ZNF800: variants seen among roughly 807,000 people sequenced by gnomAD.
ZNF800 encodes the protein zinc finger protein 800.
Under a neutral mutation model 59.5 loss-of-function variants are expected in ZNF800, and 13 were observed. The observed-to-expected ratio is 0.22, with a 90% confidence interval of 0.14 to 0.35. The LOEUF is 0.35. Ranked by LOEUF, ZNF800 falls within the 10% of genes least tolerant of loss-of-function variation. ZNF800 has a pLI of 1.00. For synonymous variants in ZNF800, 266 were observed against 265.7 expected (o/e 1.00, Z -0.01); for missense variants, 621 against 783.7 (o/e 0.79, Z 2.48).
intron 3 of ZNF800, among the ~76,000 whole-genome samples, chr7:127,380,973 G>C (rs1248714247): frequency 6.6e-6 from 1 of 152,142 alleles, no homozygotes; most frequent in East Asian, 1.9e-4. Flanking sequence ...GGTTTATCTT[G>C]TGTTATTCTT....
chr7:127,384,979 C>T (rs1460331721), intron 3 of ZNF800, among the ~76,000 whole-genome samples: 1 of 152,080 alleles, frequency 6.6e-6, no homozygotes, highest in Non-Finnish European at 1.5e-5. Context: ...AAAGCAATGC[C>T]ATGAGTACTA....
chr7:127,367,985 G>A (rs769475266), downstream of ZNF800, among the ~76,000 whole-genome samples: 3 of 152,084 alleles, frequency 2.0e-5, no homozygotes, highest in Non-Finnish European at 2.9e-5. Flanking sequence ...ATATGTAGAG[G>A]AAGAGGCTTG....
intron 5 of ZNF800, among the ~76,000 whole-genome samples, chr7:127,372,142 A>AT (rs1165763108): frequency 2.0e-5 from 3 of 152,128 alleles, no homozygotes; most frequent in Non-Finnish European, 4.4e-5. Flanking sequence ...TTTATGTTGC[A>AT]TTTTTTAAAA....
intron 3 of ZNF800, among the ~76,000 whole-genome samples, chr7:127,383,904 T>C (rs1801050426): frequency 6.6e-6 from 1 of 152,136 alleles, no homozygotes; most frequent in East Asian, 1.9e-4. Context: ...AAAGGCAAAT[T>C]TGCTGATATC....
chr7:127,370,942 T>C lies in ZNF800; in HGVS notation c.*872A>G, dbSNP rs987323165. ...TGTAGCAATATTTAAGGAAATAAAC[T>C]AGTATCATAAGAAGTGGTTGTGCAT... On this transcript the variant is annotated 3_prime_UTR_variant, in exon 6 of 6. Coordinates refer to ENST00000265827, the MANE Select transcript of ZNF800 (RefSeq NM_176814.5). The C allele has an allele frequency of 8.5e-5, 13 of 152,560 alleles. No individual in the cohort carries two copies. The highest frequency in any genetic ancestry group is 1.8e-4 in the Non-Finnish European group (12 of 67,980). The allele number at this position is 152,560 out of a possible 1,614,324, so 9.5% of individuals were successfully genotyped here.
chr7:127,372,532 A>T, intron 5 of ZNF800: 1 of 812,278 alleles, frequency 1.2e-6, no homozygotes, highest in Non-Finnish European at 1.5e-6. Context: ...TATGAATTTT[A>T]CTTTTCTTAC....
intron 2 of ZNF800, among the ~76,000 whole-genome samples, chr7:127,387,825 C>T (rs1453834761): frequency 6.6e-6 from 1 of 151,684 alleles, no homozygotes; most frequent in African/African-American, 2.4e-5. Context: ...CACGCCACTG[C>T]ACTCCAGCCT....
intron 1 of ZNF800, among the ~76,000 whole-genome samples, chr7:127,355,235 T>A (rs1036222779): frequency 1.3e-5 from 2 of 151,946 alleles, no homozygotes; most frequent in Admixed American, 6.6e-5. Context: ...AGTAGAGCAA[T>A]AGAAAGCTTA....
Position 127,379,332 on chromosome 7 carries a change from T to C in ZNF800, c.158-2003A>G, listed in dbSNP as rs115925699. ...ACCTATATATATTTCTCAGGAAATG[T>C]AGGTGAGCATAGTAGCAGTGGGAAG... On this transcript the variant is annotated intron_variant, in intron 3 of 5. Transcript: ENST00000265827. 6.8e-3 allele frequency among the ~76,000 whole-genome samples: 1,035 copies of C among 152,262 alleles called. 14 individuals carry two copies. The highest frequency in any genetic ancestry group is 0.023 in the African/African-American group (975 of 41,538).
At chr7:127,355,242 C>A (rs1800246442) in intron 1 of ZNF800, among the ~76,000 whole-genome samples, 1 of 151,860 alleles carries the variant, frequency 6.6e-6, no homozygotes, top group African/African-American at 2.4e-5. Context: ...CAATAGAAAG[C>A]TTAGACCAGG....
Position 127,392,424 on chromosome 7 carries a change from C to T in ZNF800, c.-423G>A. 2.6e-6 allele frequency: 1 copy of T among 377,472 alleles called. No homozygotes were observed. The allele number at this position is 377,472 out of a possible 1,614,324, so 23.4% of individuals were successfully genotyped here. ...GAGCCGGAACCGGAGCGGGCAGGAC[C>T]TGAGGCTTCCCTCGCCGGGGCAACG... is the stretch of plus-strand genomic sequence containing the variant. On this transcript the variant is annotated 5_prime_UTR_variant, in exon 1 of 6. Transcript: ENST00000265827.
intron 1 of ZNF800, chr7:127,363,212 G>A (rs1800431620): frequency 6.6e-6 from 1 of 152,024 alleles, no homozygotes; most frequent in Non-Finnish European, 1.5e-5. Context: ...GGAGATGTCT[G>A]ACATTCAACT....
chr7:127,343,514 G>GT (rs1183535965), downstream of ZNF800, among the ~76,000 whole-genome samples: 5 of 151,852 alleles, frequency 3.3e-5, no homozygotes, highest in African/African-American at 9.7e-5. Flanking sequence ...ATAGAAAAAG[G>GT]TTTTTTAAGT....
In ZNF800 at chr7:127,374,755, G is replaced by A. The variant is rs1465094765; in HGVS notation, c.581C>T (p.Pro194Leu). 1.9e-6 allele frequency: 3 copies of A among 1,613,956 alleles called. No homozygotes were observed. The highest frequency in any genetic ancestry group is 2.2e-5 in the East Asian group (1 of 44,868). The stretch of plus-strand genomic sequence containing the variant: ...TTCATCTGTAACAATCTCAACAGGA[G>A]GGGGCTCTACAGTTTCCACCTCTGT... ...TDTEVETVEP[P>L]PVEIVTDEVA... Residue 194 changes from proline (P) to leucine (L), a missense_variant, in exon 5 of 6, where the codon CCT becomes CTT. Transcript: ENST00000265827.
chr7:127,380,195 T>C (rs549672323), intron 3 of ZNF800, among the ~76,000 whole-genome samples: 131 of 152,236 alleles, frequency 8.6e-4, no homozygotes, highest in African/African-American at 3.1e-3. Flanking sequence ...TACTAGCTTA[T>C]CCACTGTTTT....
downstream of ZNF800, among the ~76,000 whole-genome samples, chr7:127,344,452 G>C (rs1800022451): frequency 6.6e-6 from 1 of 151,986 alleles, no homozygotes; most frequent in Non-Finnish European, 1.5e-5. Flanking sequence ...CCCCAAATTA[G>C]TCTATATTGT....
downstream of ZNF800, among the ~76,000 whole-genome samples, chr7:127,367,553 A>G (rs1800538635): frequency 6.6e-6 from 1 of 152,196 alleles, no homozygotes. Flanking sequence ...TGCTTGGCAT[A>G]TAACAAGCAT....
exon 2 of ZNF800, chr7:127,347,038 C>CAGTA (rs1356683075): frequency 1.3e-5 from 2 of 152,480 alleles, no homozygotes; most frequent in African/African-American, 4.8e-5. Context: ...AGTGCAAACC[C>CAGTA]AGCAGTGTAT....
downstream of ZNF800, among the ~76,000 whole-genome samples, chr7:127,346,248 T>C (rs1038991853): frequency 1.3e-5 from 2 of 152,090 alleles, no homozygotes; most frequent in Admixed American, 6.5e-5. Context: ...TCAGAACATT[T>C]TGAGGAGATG....
Sources: gnomAD v4.1 joint callset for allele counts (sites outside exome capture counted in the v4.1 genomes callset) on GRCh38, gnomAD v4.1.1 for gene constraint, MANE v1.5 for transcripts, NCBI Gene and HGNC (gene_info 2026-07-23, HGNC 2026-07-21) for gene names.